The following FCRLB variants were observed in gnomAD, a reference collection of about 807,000 sequenced individuals.
FCRLB encodes Fc receptor like B, also known as Fc receptor-like B.
In FCRLB, 34 loss-of-function variants were observed where a neutral mutation model predicts 33.6. The observed-to-expected ratio is 1.01, with a 90% confidence interval of 0.77 to 1.35. FCRLB has a LOEUF of 1.35. Among genes scored for constraint, FCRLB ranks in the 40% most tolerant of loss-of-function variants. The pLI, the probability that FCRLB is intolerant of heterozygous loss-of-function variation, is 0.00. For synonymous variants in FCRLB, 280 were observed against 255.9 expected (o/e 1.09, Z -0.90); for missense variants, 560 against 580.2 (o/e 0.97, Z 0.36).
At position 161,726,471 on chromosome 1, in the gene FCRLB, T is replaced by G. The variant is rs904674670; in HGVS notation, c.575-232T>G. 1 of 739,074 alleles carries G rather than the reference T, an allele frequency of 1.4e-6. No individual in the cohort carries two copies. Among genetic ancestry groups the G allele is most frequent in the Non-Finnish European group, 2.4e-6 (1 of 419,154 alleles). 45.8% of individuals were successfully genotyped at this position (739,074 alleles called of 1,614,324 possible). On this transcript the variant is annotated intron_variant, in intron 6 of 7. Transcript: ENST00000367948. This position sits in a 1 kb window ranked among gnomAD's most constrained non-coding sequence, Gnocchi z 5.2. Reference sequence around the variant, plus strand: ...GCTGAGTGTCAGTCGGGATGTGACATGAAGCGTCTGGCCTGGTCCCTCTTC... The same window carrying G: ...GCTGAGTGTCAGTCGGGATGTGACAGGAAGCGTCTGGCCTGGTCCCTCTTC...
At position 161,727,707 on chromosome 1, in the gene FCRLB, T is replaced by TC. The variant is rs768538626; in HGVS notation, c.*47dup. 4.6e-6 allele frequency: 7 copies of TC among 1,523,362 alleles called. No homozygotes were observed. The East Asian group carries it at 1.6e-4, about 35-fold the overall frequency. The allele number at this position is 1,523,362 out of a possible 1,614,324, so 94.4% of individuals were successfully genotyped here. A position where few individuals can be genotyped will look rare whatever the true frequency, so the allele number is the denominator to read the frequency against. On this transcript the variant is annotated 3_prime_UTR_variant, in exon 8 of 8. Coordinates refer to ENST00000367948, the Ensembl canonical transcript of FCRLB. Reference sequence around the variant, plus strand: ...TCTGCAGGCTCATTCCTCCTTGGTCTCCTGCTTCCCCTCACGCGAATTTCT... The same window carrying TC: ...TCTGCAGGCTCATTCCTCCTTGGTCTCCCTGCTTCCCCTCACGCGAATTTCT...
rs1241675734 is a variant in FCRLB, at chr1:161,726,737, T to C, written c.609T>C (p.Gly203=). 8.1e-6 allele frequency: 13 copies of C among 1,595,110 alleles called. No individual in the cohort carries two copies. Among genetic ancestry groups the C allele is most frequent in the Non-Finnish European group, 1.1e-5 (13 of 1,174,812 alleles). The stretch of plus-strand genomic sequence containing the variant: ...GGGCGCCGGTGCTGAGGGTGATGGG[T>C]CCGCGGGAGGCCCGCGGCGCGGCGC... The change falls in exon 7 of 8, where the codon GGT becomes GGC. Residue 203 remains glycine, a synonymous_variant. Transcript: ENST00000367948. This position sits in a 1 kb window ranked among gnomAD's most constrained non-coding sequence, Gnocchi z 5.2.
intron 7 of FCRLB, 81 bp from the exon 8 acceptor site, chr1:161,727,166 C>CCCCCCCCA: frequency 7.0e-7 from 1 of 1,434,776 alleles, no homozygotes; most frequent in Non-Finnish European, 9.2e-7. Context: ...CATCCCCGCC[C>CCCCCCCCA]ACCGCCCTAC....
At position 161,724,893 on chromosome 1, in the gene FCRLB, T is replaced by A. The variant is rs1250005245; in HGVS notation, c.308-928T>A. Among the ~76,000 whole-genome samples, 15 of 152,168 alleles carry A rather than the reference T, an allele frequency of 9.9e-5. No homozygotes were observed. In the East Asian group the frequency reaches 2.9e-3, roughly 29 times the overall value. On this transcript the variant is annotated intron_variant, in intron 5 of 7. Transcript: ENST00000367948. Reference sequence around the variant, plus strand: ...CTCTCCTGGGGTGTCAGGGATGTTTTCTGGAGGAGATAAGGTCTAAGCCTA... The same window carrying A: ...CTCTCCTGGGGTGTCAGGGATGTTTACTGGAGGAGATAAGGTCTAAGCCTA...
chr1:161,723,333 A>G, intron 4 of FCRLB, 34 bp from the exon 5 acceptor site: 1 of 1,606,066 alleles, frequency 6.2e-7, no homozygotes, highest in Non-Finnish European at 8.5e-7. Flanking sequence ...TTCTCTTTGC[A>G]TGCTGCCCCC....
chr1:161,723,869 G>A (rs948822309), intron 5 of FCRLB, among the ~76,000 whole-genome samples: 1 of 152,192 alleles, frequency 6.6e-6, no homozygotes, highest in African/African-American at 2.4e-5. Flanking sequence ...GAACATTTCT[G>A]TTTGTTTCTG....
chr1:161,727,751 C>G, exon 8 of FCRLB: 1 of 1,438,062 alleles, frequency 7.0e-7, no homozygotes, highest in Non-Finnish European at 9.2e-7. Flanking sequence ...CATCTGTTTG[C>G]ATCCTTGTGT....
At chr1:161,723,381 C>T (rs776869584) in exon 5 of FCRLB, 3 of 1,614,054 alleles carry the variant, frequency 1.9e-6, no homozygotes, top group South Asian at 1.1e-5. Flanking sequence ...TCTGGAGAAG[C>T]CCATATTGTC....
chr1:161,722,905 A>G (rs969752862), intron 3 of FCRLB, 84 bp from the exon 4 acceptor site: 147 of 1,586,348 alleles, frequency 9.3e-5, no homozygotes, highest in Non-Finnish European at 1.1e-4. Context: ...GGGACCATTC[A>G]GCCTTTCTTG....
At chr1:161,725,788 T>G in intron 5 of FCRLB, 33 bp from the exon 6 acceptor site, 1 of 1,564,302 alleles carries the variant, frequency 6.4e-7, no homozygotes, top group Non-Finnish European at 8.7e-7. Flanking sequence ...GGACTTTCTG[T>G]GGAGTCAAGC....
intron 3 of FCRLB, 57 bp from the exon 4 acceptor site, chr1:161,722,932 T>C (rs1371077648): frequency 3.4e-5 from 55 of 1,609,394 alleles, no homozygotes; most frequent in Non-Finnish European, 2.5e-6. Context: ...AGAGTCTCTC[T>C]CCTCTCATCG....
At position 161,726,755 on chromosome 1, in the gene FCRLB, C is replaced by G. The variant is rs1238991694; in HGVS notation, c.627C>G (p.Gly209=). 1 of 1,588,498 alleles carries G rather than the reference C, an allele frequency of 6.3e-7. No individual in the cohort carries two copies. The highest frequency in any genetic ancestry group is 1.1e-5 in the South Asian group (1 of 87,998). The change falls in exon 7 of 8, where the codon GGC becomes GGG. Residue 209 remains glycine, a synonymous_variant. Transcript: ENST00000367948. The surrounding 1 kb of genome is among the most constrained non-coding windows in gnomAD (Gnocchi z 5.2). ...TGATGGGTCCGCGGGAGGCCCGCGG[C>G]GCGGCGCTGGGTGGGGTGGTGCTGC...
chr1:161,727,130 C>T (rs1683612078), intron 7 of FCRLB, 117 bp from the exon 8 acceptor site: 25 of 1,351,092 alleles, frequency 1.9e-5, no homozygotes, highest in Non-Finnish European at 2.4e-5. Context: ...CGCCGCCCTC[C>T]TCCTCACCCC....
chr1:161,727,703 G>A (rs779884061), exon 8 of FCRLB: 2 of 1,529,250 alleles, frequency 1.3e-6, no homozygotes, highest in African/African-American at 2.8e-5. Flanking sequence ...ATTCCTCCTT[G>A]GTCTCCTGCT....
At position 161,727,175 on chromosome 1, in the gene FCRLB, A is replaced by G. The variant is rs1307207100; in HGVS notation, c.866-72A>G. The G allele has an allele frequency of 7.0e-6, 10 of 1,419,846 alleles. No homozygotes were observed. In the East Asian group the frequency reaches 2.5e-4, roughly 36 times the overall value. The allele number at this position is 1,419,846 out of a possible 1,614,324, so 88.0% of individuals were successfully genotyped here. On this transcript the variant is annotated intron_variant, in intron 7 of 7. Transcript: ENST00000367948. ...CTTCCCCATCCCCGCCCACCGCCCT[A>G]CGCCCCTCCCCCAGCCCAGCGCCGA...
Position 161,726,340 on chromosome 1 carries a change from A to C in FCRLB, c.574+253A>C. On this transcript the variant is annotated intron_variant, in intron 6 of 7. Coordinates refer to ENST00000367948, the Ensembl canonical transcript of FCRLB. The surrounding 1 kb of genome is among the most constrained non-coding windows in gnomAD (Gnocchi z 5.2). ...GGCTGGGGACTCCCACAGAGAGGGC[A>C]GCTCTGGCAGGGGCAGGGGCCACTG... The C allele has an allele frequency of 9.2e-6, 7 of 763,532 alleles. No individual in the cohort carries two copies. Among genetic ancestry groups the C allele is most frequent in the Non-Finnish European group, 1.4e-5 (6 of 443,198 alleles). 47.3% of individuals were successfully genotyped at this position (763,532 alleles called of 1,614,324 possible).
chr1:161,722,784 T>C (rs1683414545), intron 3 of FCRLB, 81 bp downstream of exon 3: 2 of 1,533,854 alleles, frequency 1.3e-6, no homozygotes, highest in African/African-American at 1.4e-5. Context: ...GGAGGGTGGG[T>C]ATCCAATCCT....
At chr1:161,727,132 C>T in intron 7 of FCRLB, 115 bp from the exon 8 acceptor site, 9 of 1,355,734 alleles carry the variant, frequency 6.6e-6, no homozygotes, top group Admixed American at 2.9e-5. Context: ...CCGCCCTCCT[C>T]CTCACCCCTC....
In FCRLB at chr1:161,726,088, G is replaced by T; in HGVS notation, c.574+1G>T. 6.2e-7 allele frequency: 1 copy of T among 1,607,108 alleles called. No homozygotes were observed. The highest frequency in any genetic ancestry group is 8.5e-7 in the Non-Finnish European group (1 of 1,174,974). ...GCTAAGGTGGCTGTGACAGTGCAAG[G>T]TGGGAGAGACCAGGGGCCCCGGGAG... On this transcript the variant is annotated splice_donor_variant, in intron 6 of 7. Coordinates refer to ENST00000367948, the Ensembl canonical transcript of FCRLB. LOFTEE classifies it high-confidence loss of function. The surrounding 1 kb of genome is among the most constrained non-coding windows in gnomAD (Gnocchi z 5.2).
Sources: allele counts gnomAD v4.1 joint callset (sites outside exome capture counted in the v4.1 genomes callset), GRCh38; gene constraint gnomAD v4.1.1; non-coding constraint Gnocchi (gnomAD v3.1); transcripts MANE v1.5; gene names NCBI Gene and HGNC (gene_info 2026-07-23, HGNC 2026-07-21).